KCNQ3: variants seen among roughly 807,000 people sequenced by gnomAD.
KCNQ3 encodes potassium voltage-gated channel subfamily KQT member 3.
Under a neutral mutation model 92.5 loss-of-function variants are expected in KCNQ3, and 30 were observed. The observed-to-expected ratio is 0.32, with a 90% CI of 0.24 to 0.44. The LOEUF is 0.44. Ranked by LOEUF, KCNQ3 falls within the 20% of genes least tolerant of loss-of-function variation. The probability of loss-of-function intolerance (pLI) is 1.00; values close to 1 mark genes in which losing one functional copy is unlikely to be tolerated. For synonymous variants in KCNQ3, 450 were observed against 468.8 expected (o/e 0.96, Z 0.52); for missense variants, 913 against 1,140.3 (o/e 0.80, Z 2.87).
intron 1 of KCNQ3, among the ~76,000 whole-genome samples, chr8:132,418,688 A>G (rs1042464809): frequency 9.2e-5 from 14 of 152,218 alleles, no homozygotes; most frequent in African/African-American, 3.4e-4. Flanking sequence ...TGGGAGGCTG[A>G]GGCCAGAGAA....
chr8:132,273,880 C>T (rs28769960), intron 1 of KCNQ3, among the ~76,000 whole-genome samples: 11,994 of 152,206 alleles, frequency 0.079, 537 homozygotes, highest in South Asian at 0.16. Context: ...CAACAAATTC[C>T]TCATCTCCAT....
chr8:132,249,543 G>C (rs1815321951), intron 1 of KCNQ3, among the ~76,000 whole-genome samples: 1 of 152,224 alleles, frequency 6.6e-6, no homozygotes, highest in Non-Finnish European at 1.5e-5. Flanking sequence ...CCCTTAGCTA[G>C]ACATAAAGGT....
intron 1 of KCNQ3, among the ~76,000 whole-genome samples, chr8:132,345,250 A>G (rs1818651637): frequency 6.6e-6 from 1 of 152,226 alleles, no homozygotes; most frequent in South Asian, 2.1e-4. Context: ...CACGTATGAA[A>G]TGGAACCACC....
rs866818523 is a variant in KCNQ3 at position 132,178,051 on chromosome 8, A to G, written c.777+2106T>C. On this transcript the variant is annotated intron_variant, in intron 4 of 14. Coordinates refer to ENST00000388996, the MANE Select transcript of KCNQ3 (RefSeq NM_004519.4). The stretch of plus-strand genomic sequence containing the variant: ...TGAGGAATTATATCACAAACTTCCA[A>G]TGGTCTCTGGTAATTACATGGCAAA... Among the ~76,000 whole-genome samples, 10 of 152,316 alleles carry G rather than the reference A, an allele frequency of 6.6e-5. No homozygotes were observed. The South Asian group carries it at 8.3e-4, about 13-fold the overall frequency.
chr8:132,186,139 G>A lies in KCNQ3; in HGVS notation c.429C>T (p.Thr143=), dbSNP rs1257391946. Residue 143 remains threonine (T), a synonymous_variant, in exon 2 of 15, where the codon ACC becomes ACT. Coordinates refer to ENST00000388996, the MANE Select transcript of KCNQ3 (RefSeq NM_004519.4). ...VLGCLILAVL[T]TFKEYETVSG... ...AGACAGTCTCATACTCCTTGAATGT[G>A]GTCAGGACAGCCAGAATCAAGCACC... The A allele has an allele frequency of 1.2e-6, 2 of 1,613,898 alleles. No individual in the cohort carries two copies. Among genetic ancestry groups the A allele is most frequent in the Middle Eastern group, 1.6e-4 (1 of 6,062 alleles).
chr8:132,287,614 A>G (rs1353662800), intron 1 of KCNQ3, among the ~76,000 whole-genome samples: 1 of 152,252 alleles, frequency 6.6e-6, no homozygotes, highest in Non-Finnish European at 1.5e-5. Flanking sequence ...CTGATATTTT[A>G]TTCCTTGCTA....
chr8:132,184,178 A>G (rs1826882697), intron 3 of KCNQ3, 63 bp downstream of exon 3: 1 of 1,608,026 alleles, frequency 6.2e-7, no homozygotes. Context: ...AACTTTTCTC[A>G]GAGAAACAAT....
intron 1 of KCNQ3, among the ~76,000 whole-genome samples, chr8:132,364,841 A>G (rs925271934): frequency 3.2e-4 from 48 of 152,122 alleles, no homozygotes; most frequent in African/African-American, 9.2e-4. Flanking sequence ...AACATTGATA[A>G]ATTTCCTAAG....
intron 1 of KCNQ3, among the ~76,000 whole-genome samples, chr8:132,255,626 A>G (rs1815559836): frequency 6.6e-6 from 1 of 152,224 alleles, no homozygotes; most frequent in African/African-American, 2.4e-5. Context: ...ATGTGAAGAC[A>G]AAGATGAGTT....
intron 1 of KCNQ3, among the ~76,000 whole-genome samples, chr8:132,199,564 T>C (rs575230038): frequency 1.3e-5 from 2 of 152,338 alleles, no homozygotes; most frequent in East Asian, 3.9e-4. Flanking sequence ...AAAAGGTTTC[T>C]TCTAAATCTA....
In KCNQ3 at chr8:132,123,231, A is replaced by G. The variant is rs1390502414; in HGVS notation, c.*6031T>C. 1 of 152,414 alleles carries G rather than the reference A, an allele frequency of 6.6e-6. No homozygotes were observed. The highest frequency in any genetic ancestry group is 1.9e-4 in the East Asian group (1 of 5,202). The allele number at this position is 152,414 out of a possible 1,614,324, so 9.4% of individuals were successfully genotyped here. A position where few individuals can be genotyped will look rare whatever the true frequency, so the allele number is the denominator to read the frequency against. ...TGAATGAGCCCAAGTGATGGGCCAA[A>G]AAGGTGAACCAGTCCAAACATGGCA... is the stretch of plus-strand genomic sequence containing the variant. On this transcript the variant is annotated 3_prime_UTR_variant, in exon 15 of 15. Coordinates refer to ENST00000388996, the MANE Select transcript of KCNQ3 (RefSeq NM_004519.4).
intron 1 of KCNQ3, among the ~76,000 whole-genome samples, chr8:132,291,271 A>G (rs1013909614): frequency 6.6e-6 from 1 of 152,182 alleles, no homozygotes; most frequent in Non-Finnish European, 1.5e-5. Context: ...TTAAACACCA[A>G]TTGACTTTCC....
intron 1 of KCNQ3, among the ~76,000 whole-genome samples, chr8:132,231,076 C>T (rs1267956793): frequency 2.0e-5 from 3 of 152,110 alleles, no homozygotes; most frequent in Non-Finnish European, 4.4e-5. Flanking sequence ...GAGAAGATGG[C>T]CATGCGACCA....
At chr8:132,465,514 CAGG>C (rs2130861773) in intron 1 of KCNQ3, among the ~76,000 whole-genome samples, 1 of 151,122 alleles carries the variant, frequency 6.6e-6, no homozygotes, top group East Asian at 2.0e-4. Flanking sequence ...ATCATAAGGT[CAGG>C]AGGAGATCAA....
chr8:132,204,851 G>A (rs913794162), intron 1 of KCNQ3, among the ~76,000 whole-genome samples: 5 of 152,178 alleles, frequency 3.3e-5, no homozygotes, highest in African/African-American at 1.2e-4. Context: ...ATCAGTAAAA[G>A]TTGGTAAATT....
At chr8:132,239,786 G>T (rs1814928218) in intron 1 of KCNQ3, among the ~76,000 whole-genome samples, 1 of 152,172 alleles carries the variant, frequency 6.6e-6, no homozygotes, top group African/African-American at 2.4e-5. Flanking sequence ...CACGATAGTT[G>T]AGTGATCGTG....
intron 1 of KCNQ3, among the ~76,000 whole-genome samples, chr8:132,239,727 CAGTT>C (rs895796866): frequency 6.6e-6 from 1 of 152,176 alleles, no homozygotes; most frequent in African/African-American, 2.4e-5. Context: ...AGAAAATGCT[CAGTT>C]AAAGATAGCA....
intron 1 of KCNQ3, among the ~76,000 whole-genome samples, chr8:132,287,433 G>A (rs552439248): frequency 2.6e-5 from 4 of 152,154 alleles, no homozygotes; most frequent in South Asian, 2.1e-4. Context: ...TACTCTCCAA[G>A]TTGAAAACAG....
At position 132,214,458 on chromosome 8, in the gene KCNQ3, G is replaced by A. The variant is rs941091755; in HGVS notation, c.387-28277C>T. Among the ~76,000 whole-genome samples, 27 of 152,086 alleles carry A rather than the reference G, an allele frequency of 1.8e-4. 1 individual carries two copies. The highest frequency in any genetic ancestry group is 8.8e-5 in the Non-Finnish European group (6 of 68,010). ...CTTAGGTACAAGTCCAATAACTGTC[G>A]TATAATAGAAAAAAGGTTGGTGGCG... is the stretch of plus-strand genomic sequence containing the variant. On this transcript the variant is annotated intron_variant, in intron 1 of 14. Coordinates refer to ENST00000388996, the MANE Select transcript of KCNQ3 (RefSeq NM_004519.4).
Sources: allele counts gnomAD v4.1 joint callset (sites outside exome capture counted in the v4.1 genomes callset), GRCh38; gene constraint gnomAD v4.1.1; transcripts MANE v1.5; gene names NCBI Gene and HGNC (gene_info 2026-07-23, HGNC 2026-07-21).